KL: variants seen among roughly 807,000 people sequenced by gnomAD.
KL encodes the protein klotho, also known as alpha-klotho.
A neutral mutation model predicts 84.2 loss-of-function variants in KL; 62 were observed. The ratio of observed to expected loss-of-function variants is 0.74; its 90% CI spans 0.60 to 0.91. KL has a LOEUF of 0.91. Among genes scored for constraint, KL ranks in the 40% least tolerant of loss-of-function variants. The pLI, the probability that KL is intolerant of heterozygous loss-of-function variation, is 0.00. For missense variants in KL, 1,261 were observed against 1,305.7 expected, an observed-to-expected ratio of 0.97 and a Z score of 0.53; for synonymous variants, 528 against 528.0, an observed-to-expected ratio of 1.00 and a Z score of 0.00.
intron 1 of KL, among the ~76,000 whole-genome samples, chr13:33,053,414 C>T (rs1001170630): frequency 5.3e-5 from 8 of 152,136 alleles, no homozygotes; most frequent in Non-Finnish European, 2.9e-5. Context: ...TTTCATGAAA[C>T]CCGTAAATTA....
chr13:33,062,430 T>C (rs1452932003), intron 4 of KL, among the ~76,000 whole-genome samples: 1 of 150,712 alleles, frequency 6.6e-6, no homozygotes, highest in Non-Finnish European at 1.5e-5. Context: ...CCCAGCACTT[T>C]GGGAGGCTGA....
rs1394451333 is a variant in KL, at chr13:33,064,757, A to G, written c.*571A>G. The stretch of plus-strand genomic sequence containing the variant: ...AGCAATGCTTCTATCAAATACTAGT[A>G]TTAATTTATGTATCTGGTTAATGAC... On this transcript the variant is annotated 3_prime_UTR_variant, in exon 5 of 5. Coordinates refer to ENST00000380099, the MANE Select transcript of KL (RefSeq NM_004795.4). 4.5e-6 allele frequency: 1 copy of G among 224,278 alleles called. No homozygotes were observed. Among genetic ancestry groups the G allele is most frequent in the Non-Finnish European group, 8.9e-6 (1 of 112,668 alleles). 13.9% of individuals were successfully genotyped at this position (224,278 alleles called of 1,614,324 possible).
At chr13:33,062,006 G>A (rs1053261907) in intron 4 of KL, among the ~76,000 whole-genome samples, 9 of 152,242 alleles carry the variant, frequency 5.9e-5, no homozygotes. Context: ...CTGGATCTAT[G>A]CAAGCCTAGA....
rs1244897244 is a variant in KL at position 33,065,586 on chromosome 13, G to A, written c.*1400G>A. On this transcript the variant is annotated 3_prime_UTR_variant, in exon 5 of 5. Coordinates refer to ENST00000380099, the MANE Select transcript of KL (RefSeq NM_004795.4). ...TGTACTATATAATATATCATCTTTA[G>A]AGGTATGATTTTTTCATGAAAGATA... is the stretch of plus-strand genomic sequence containing the variant. The A allele has an allele frequency of 1.6e-5, 3 of 182,150 alleles. No homozygotes were observed. Among genetic ancestry groups the A allele is most frequent in the Non-Finnish European group, 3.5e-5 (3 of 85,302 alleles). 11.3% of individuals were successfully genotyped at this position (182,150 alleles called of 1,614,324 possible). A position where few individuals can be genotyped will look rare whatever the true frequency, so the allele number is the denominator to read the frequency against.
Position 33,016,590 on chromosome 13 carries a change from C to T in KL, c.150C>T (p.Ala50=). 1 of 1,500,928 alleles carries T rather than the reference C, an allele frequency of 6.7e-7. No homozygotes were observed. Among genetic ancestry groups the T allele is most frequent in the South Asian group, 1.3e-5 (1 of 76,300 alleles). 93.0% of individuals were successfully genotyped at this position (1,500,928 alleles called of 1,614,324 possible). ...QTWARFSRPP[A]PEAAGLFQGT... Reference sequence around the variant, plus strand: ...GGGCCCGTTTCTCGCGGCCTCCTGCCCCCGAGGCCGCGGGCCTCTTCCAGG... The same window carrying T: ...GGGCCCGTTTCTCGCGGCCTCCTGCTCCCGAGGCCGCGGGCCTCTTCCAGG... Residue 50 remains alanine, a synonymous_variant, in exon 1 of 5, where the codon GCC becomes GCT. Transcript: ENST00000380099.
chr13:33,016,582 C>T lies in KL; in HGVS notation c.142C>T (p.Pro48Ser), dbSNP rs1473990539. The T allele has an allele frequency of 1.8e-5, 27 of 1,485,146 alleles. No individual in the cohort carries two copies. Among genetic ancestry groups the T allele is most frequent in the Non-Finnish European group, 2.3e-5 (26 of 1,119,722 alleles). The allele number at this position is 1,485,146 out of a possible 1,614,324, so 92.0% of individuals were successfully genotyped here. A position where few individuals can be genotyped will look rare whatever the true frequency, so the allele number is the denominator to read the frequency against. Residue 48 changes from proline to serine, a missense_variant, in exon 1 of 5, where the codon CCT (proline) becomes TCT (serine). Pro to Ser is a moderately conservative substitution (Grantham distance 74). Transcript: ENST00000380099. Reference protein sequence around the residue: ...GAQTWARFSRPPAPEAAGLFQ... With the variant: ...GAQTWARFSRSPAPEAAGLFQ... The stretch of plus-strand genomic sequence containing the variant: ...GCAGACCTGGGCCCGTTTCTCGCGG[C>T]CTCCTGCCCCCGAGGCCGCGGGCCT...
Position 33,041,751 on chromosome 13 carries a change from G to A in KL, c.820-12016G>A, listed in dbSNP as rs113319492. Among the ~76,000 whole-genome samples, 345 of 152,136 alleles carry A rather than the reference G, an allele frequency of 2.3e-3. 1 individual carries two copies. Among genetic ancestry groups the A allele is most frequent in the African/African-American group, 8.0e-3 (331 of 41,510 alleles). On this transcript the variant is annotated intron_variant, in intron 1 of 4. Transcript: ENST00000380099. Reference sequence around the variant, plus strand: ...CCTTCCCGTACCCTCTACCGCCTCTGCCCAATCCTCCGGGTTCTCTGCTCC... The same window carrying A: ...CCTTCCCGTACCCTCTACCGCCTCTACCCAATCCTCCGGGTTCTCTGCTCC...
At chr13:33,025,000 GC>G (rs1487122906) in intron 1 of KL, among the ~76,000 whole-genome samples, 6 of 152,112 alleles carry the variant, frequency 3.9e-5, no homozygotes, top group Non-Finnish European at 7.4e-5. Context: ...AACCTAGGGG[GC>G]CTTTTTACTC....
rs1872156359 is a variant in KL, at chr13:33,060,900, C to A, written c.1821C>A (p.Asn607Lys). The A allele has an allele frequency of 6.2e-7, 1 of 1,614,074 alleles. No homozygotes were observed. The part of the protein sequence containing the change: ...LDWALILPLG[N>K]QSQVNHTILQ... ...GGGCCCTGATTCTCCCTCTGGGTAACCAGTCCCAGGTGAACCACACCATCC... is the reference window on the plus strand; with the variant it reads ...GGGCCCTGATTCTCCCTCTGGGTAAACAGTCCCAGGTGAACCACACCATCC... The change falls in exon 4 of 5, where the codon AAC (asparagine) becomes AAA (lysine). Residue 607 changes from asparagine to lysine, a missense_variant. By Grantham distance (94) the Asn-to-Lys change is moderately conservative (BLOSUM62 0). Transcript: ENST00000380099.
At chr13:33,048,464 G>A (rs1246145711) in intron 1 of KL, among the ~76,000 whole-genome samples, 1 of 152,110 alleles carries the variant, frequency 6.6e-6, no homozygotes, top group Non-Finnish European at 1.5e-5. Flanking sequence ...CCCAACCTTT[G>A]GTATTCATCT....
chr13:33,016,568 C>G lies in KL; in HGVS notation c.128C>G (p.Ala43Gly). The G allele has an allele frequency of 8.1e-6, 12 of 1,478,308 alleles. No individual in the cohort carries two copies. Among genetic ancestry groups the G allele is most frequent in the Non-Finnish European group, 1.1e-5 (12 of 1,117,264 alleles). 91.6% of individuals were successfully genotyped at this position (1,478,308 alleles called of 1,614,324 possible). ...AEPGDGAQTW[A>G]RFSRPPAPEA... ...CCGGGCGACGGCGCGCAGACCTGGGCCCGTTTCTCGCGGCCTCCTGCCCCC... is the reference window on the plus strand; with the variant it reads ...CCGGGCGACGGCGCGCAGACCTGGGGCCGTTTCTCGCGGCCTCCTGCCCCC... Residue 43 changes from alanine to glycine, a missense_variant, in exon 1 of 5, where the codon GCC (alanine) becomes GGC (glycine). Coordinates refer to ENST00000380099, the MANE Select transcript of KL (RefSeq NM_004795.4).
intron 1 of KL, among the ~76,000 whole-genome samples, chr13:33,041,495 A>G (rs1412618099): frequency 2.0e-5 from 3 of 152,006 alleles, no homozygotes; most frequent in Non-Finnish European, 4.4e-5. Context: ...CTTGAATAAG[A>G]AACACTTCCA....
chr13:33,058,179 C>G (rs1872035137), intron 3 of KL, among the ~76,000 whole-genome samples: 1 of 152,120 alleles, frequency 6.6e-6, no homozygotes, highest in Non-Finnish European at 1.5e-5. Context: ...ACATTGGTCC[C>G]TGTTAGGAGA....
chr13:33,037,575 C>T (rs957701340), intron 1 of KL, among the ~76,000 whole-genome samples: 7 of 152,132 alleles, frequency 4.6e-5, no homozygotes, highest in Non-Finnish European at 8.8e-5. Flanking sequence ...TTTGCAGTGT[C>T]CTCTACTCTA....
Position 33,055,226 on chromosome 13 carries a change from A to G in KL, c.1510A>G (p.Asn504Asp). Residue 504 changes from asparagine to aspartate, a missense_variant, in exon 3 of 5, where the codon AAT becomes GAT. Transcript: ENST00000380099. The part of the protein sequence containing the change: ...ALFYQKLIEK[N>D]GFPPLPENQP... The stretch of plus-strand genomic sequence containing the variant: ...GTTCTACCAAAAGCTGATAGAGAAA[A>G]ATGGCTTCCCTCCTTTACCTGAAAA... 2 of 1,614,210 alleles carry G rather than the reference A, an allele frequency of 1.2e-6. No individual in the cohort carries two copies. The highest frequency in any genetic ancestry group is 1.7e-6 in the Non-Finnish European group (2 of 1,180,036).
intron 1 of KL, among the ~76,000 whole-genome samples, chr13:33,030,918 G>A (rs56884420): frequency 0.042 from 6,319 of 152,216 alleles, 337 homozygotes; most frequent in African/African-American, 0.1. Flanking sequence ...AGTACAAGAT[G>A]ATAAAGAAAT....
At chr13:33,044,576 T>A (rs1437085869) in intron 1 of KL, among the ~76,000 whole-genome samples, 2 of 151,724 alleles carry the variant, frequency 1.3e-5, no homozygotes, top group Non-Finnish European at 2.9e-5. Context: ...CCACTGTAAG[T>A]GGCATTGTAT....
intron 1 of KL, among the ~76,000 whole-genome samples, chr13:33,029,462 A>G (rs1455178363): frequency 6.6e-6 from 1 of 152,212 alleles, no homozygotes; most frequent in Admixed American, 6.5e-5. Context: ...TGGCAACAGT[A>G]CTATCTTATT....
At position 33,040,862 on chromosome 13, in the gene KL, T is replaced by G. The variant is rs568013913; in HGVS notation, c.820-12905T>G. Among the ~76,000 whole-genome samples, 46 of 152,288 alleles carry G rather than the reference T, an allele frequency of 3.0e-4. 1 individual carries two copies. In the South Asian group the frequency reaches 8.9e-3, roughly 30 times the overall value. ...CTTCCCCAACTCCTTATTTTTTGTT[T>G]TCTTTGAGTTCCTTGATTCCTCTTC... On this transcript the variant is annotated intron_variant, in intron 1 of 4. Coordinates refer to ENST00000380099, the MANE Select transcript of KL (RefSeq NM_004795.4).
Sources: allele counts gnomAD v4.1 joint callset (sites outside exome capture counted in the v4.1 genomes callset), GRCh38; gene constraint gnomAD v4.1.1; transcripts MANE v1.5; gene names NCBI Gene and HGNC (gene_info 2026-07-23, HGNC 2026-07-21).